Variants in BRCA1 observed in about 807,000 individuals in gnomAD.
BRCA1 encodes BRCA1 DNA repair associated, also known as breast cancer type 1 susceptibility protein.
BRCA1 carries 140 observed loss-of-function variants against 173.7 expected under a neutral mutation model. The observed-to-expected ratio is 0.81, with a 90% CI of 0.70 to 0.93. BRCA1 has a LOEUF of 0.93. Among genes scored for constraint, BRCA1 ranks in the 40% least tolerant of loss-of-function variants. BRCA1 has a pLI of 0.00. For missense variants in BRCA1, 1,983 were observed against 2,172.5 expected (o/e 0.91, Z 1.73); for synonymous variants, 662 against 756.0 (o/e 0.88, Z 2.04).
rs1205965118 is a variant in BRCA1, at chr17:43,125,305, C to T, written c.-54G>A. The T allele has an allele frequency of 2.0e-5, 9 of 456,098 alleles. No homozygotes were observed. The highest frequency in any genetic ancestry group is 4.0e-5 in the Non-Finnish European group (9 of 226,932). The allele number at this position is 456,098 out of a possible 1,614,324, so 28.3% of individuals were successfully genotyped here. A position where few individuals can be genotyped will look rare whatever the true frequency, so the allele number is the denominator to read the frequency against. ...GAGCAGAGGGTGAAGGCCTCCTGAG[C>T]GCAGGGGCCCAGTTATCTGAGAAAC... On this transcript the variant is annotated 5_prime_UTR_variant, in exon 1 of 23. Coordinates refer to ENST00000357654, the MANE Select transcript of BRCA1 (RefSeq NM_007294.4).
chr17:43,168,722 T>C (rs576137186), intron 1 of BRCA1, among the ~76,000 whole-genome samples: 20 of 152,336 alleles, frequency 1.3e-4, no homozygotes, highest in African/African-American at 4.8e-4. Flanking sequence ...GTTCTAGAAG[T>C]TGCTTTTTGT....
chr17:43,073,921 A>C (rs2052566818), intron 14 of BRCA1, among the ~76,000 whole-genome samples: 1 of 151,804 alleles, frequency 6.6e-6, no homozygotes, highest in Non-Finnish European at 1.5e-5. Flanking sequence ...CACCCAGTTA[A>C]TTTTTTTGTA....
chr17:43,164,935 G>A (rs1241867629), intron 1 of BRCA1: 1 of 152,120 alleles, frequency 6.6e-6, no homozygotes, highest in East Asian at 1.9e-4. Context: ...CTTGGCAGTG[G>A]ACTTTATAGT....
At chr17:43,104,988 G>A (rs2154552856) in intron 4 of BRCA1, 32 bp from the exon 5 acceptor site, 1 of 1,547,106 alleles carries the variant, frequency 6.5e-7, no homozygotes. Context: ...AACACACTCA[G>A]CAAGTGATTA....
chr17:43,069,012 T>C (rs535969463), intron 15 of BRCA1, among the ~76,000 whole-genome samples: 1 of 152,352 alleles, frequency 6.6e-6, no homozygotes, highest in South Asian at 2.1e-4. Flanking sequence ...AGGGCCATCA[T>C]TTACTAGCCA....
intron 19 of BRCA1, among the ~76,000 whole-genome samples, chr17:43,055,698 ATC>A (rs1429155410): frequency 6.6e-6 from 1 of 152,246 alleles, no homozygotes; most frequent in Admixed American, 6.5e-5. Flanking sequence ...AGGCACGAGA[ATC>A]ACTTGAACCT....
chr17:43,100,574 C>CATATATATGTTATATAT (rs2054352804), intron 6 of BRCA1, among the ~76,000 whole-genome samples: 2 of 56,320 alleles, frequency 3.6e-5, no homozygotes, highest in African/African-American at 1.3e-4. Context: ...ATATATATAA[C>CATATATATGTTATATAT]ATATATATAA....
chr17:43,058,130 A>G (rs950893290), intron 18 of BRCA1, among the ~76,000 whole-genome samples: 15 of 151,166 alleles, frequency 9.9e-5, no homozygotes, highest in South Asian at 4.2e-4. Context: ...GCACTTTGGG[A>G]GGCTGAGGCA....
Position 43,130,724 on chromosome 17 carries a change from C to T in BRCA1, c.-19-6609G>A, listed in dbSNP as rs2055958247. Among the ~76,000 whole-genome samples, 3 of 152,222 alleles carry T rather than the reference C, an allele frequency of 2.0e-5. No homozygotes were observed. The South Asian group carries it at 6.2e-4, about 32-fold the overall frequency. On this transcript the variant is annotated intron_variant, in intron 1 of 7. Coordinates refer to the BRCA1 transcript ENST00000634433. The stretch of plus-strand genomic sequence containing the variant: ...AGATCGGCAAAACAGACATATTAGA[C>T]CTATTTTACAGATTAAAGAACTGAA...
intron 22 of BRCA1, among the ~76,000 whole-genome samples, chr17:43,047,103 T>C (rs1189106297): frequency 1.3e-5 from 2 of 152,106 alleles, no homozygotes; most frequent in African/African-American, 4.8e-5. Flanking sequence ...AATTTATACT[T>C]TCTTTTTTCT....
At chr17:43,053,033 C>T (rs775967490) in intron 19 of BRCA1, among the ~76,000 whole-genome samples, 2 of 152,110 alleles carry the variant, frequency 1.3e-5, no homozygotes, top group East Asian at 1.9e-4. Flanking sequence ...CACACCACCA[C>T]ACCCGGCTAA....
intron 12 of BRCA1, among the ~76,000 whole-genome samples, chr17:43,080,232 T>C (rs1364544314): frequency 6.6e-6 from 1 of 152,138 alleles, no homozygotes; most frequent in Non-Finnish European, 1.5e-5. Context: ...GTGCTAAGCA[T>C]TGTACAGGGT....
chr17:43,092,899 CATTTCCTGG>C lies in BRCA1; in HGVS notation c.2623_2631del (p.Pro875_Asn877del). ...GAGAATGTTGCACATTCCTCTTCTG[CATTTCCTGG>C]ATTTGAAAACGGAGCAAATGACTGG... On this transcript the variant is annotated inframe_deletion, in exon 10 of 23. Transcript: ENST00000357654. The C allele has an allele frequency of 1.2e-6, 2 of 1,613,876 alleles. No individual in the cohort carries two copies. Among genetic ancestry groups the C allele is most frequent in the Non-Finnish European group, 1.7e-6 (2 of 1,179,994 alleles).
rs565120256 is a variant in BRCA1 at position 43,119,075 on chromosome 17, G to C, written c.81-3296C>G. On this transcript the variant is annotated intron_variant, in intron 2 of 22. Transcript: ENST00000357654. ...AGCTCTAAATGTGAATTTTTGAAAC[G>C]GATTTTTTGGATAAAGTCCAGGCAA... 3 of 214,226 alleles carry C rather than the reference G, an allele frequency of 1.4e-5. No homozygotes were observed. The East Asian group carries it at 2.1e-4, about 15-fold the overall frequency. The allele number at this position is 214,226 out of a possible 1,614,324, so 13.3% of individuals were successfully genotyped here. A position where few individuals can be genotyped will look rare whatever the true frequency, so the allele number is the denominator to read the frequency against.
intron 1 of BRCA1, chr17:43,166,677 A>G (rs1230819398): frequency 6.6e-6 from 1 of 152,288 alleles, no homozygotes. Context: ...AAAAGGGCGC[A>G]CACACAGTTT....
intron 15 of BRCA1, among the ~76,000 whole-genome samples, chr17:43,068,498 C>G (rs1008939805): frequency 1.3e-5 from 2 of 150,818 alleles, no homozygotes; most frequent in Admixed American, 1.3e-4. Context: ...ACTGCTTGAG[C>G]TCAAGAGTCT....
chr17:43,084,153 C>T (rs908641719), intron 11 of BRCA1, among the ~76,000 whole-genome samples: 2 of 152,132 alleles, frequency 1.3e-5, no homozygotes, highest in African/African-American at 4.8e-5. Flanking sequence ...GCTTCAGCCT[C>T]CTGAGTAGCT....
chr17:43,161,359 G>T (rs2056234621), intron 1 of BRCA1: 1 of 152,112 alleles, frequency 6.6e-6, no homozygotes. Context: ...TCTCTCAGGG[G>T]GCCATTTATC....
At chr17:43,077,866 G>A (rs1309976071) in intron 12 of BRCA1, among the ~76,000 whole-genome samples, 2 of 152,108 alleles carry the variant, frequency 1.3e-5, no homozygotes, top group East Asian at 3.9e-4. Flanking sequence ...CTCCCAAGTA[G>A]TTGGGATTAC....
Sources: gnomAD v4.1 joint callset for allele counts (sites outside exome capture counted in the v4.1 genomes callset) on GRCh38, gnomAD v4.1.1 for gene constraint, MANE v1.5 for transcripts, NCBI Gene and HGNC (gene_info 2026-07-23, HGNC 2026-07-21) for gene names.